DACH2: variants seen among roughly 807,000 people sequenced by gnomAD.
DACH2 encodes the protein dachshund homolog 2.
Under a neutral mutation model 35.8 loss-of-function variants are expected in DACH2, and 17 were observed. The observed-to-expected ratio is 0.48, with a 90% CI of 0.33 to 0.71. The LOEUF (loss-of-function observed/expected upper bound fraction) is 0.71, where lower values mean the gene tolerates loss of function less well. Ranked by LOEUF, DACH2 falls within the 30% of genes least tolerant of loss-of-function variation. The pLI is 0.02. For missense variants in DACH2, 469 were observed against 472.7 expected (o/e 0.99, Z 0.07); for synonymous variants, 195 against 177.3 (o/e 1.10, Z -0.79).
At chrX:86,567,523 C>T (rs192730736) in intron 3 of DACH2, among the ~76,000 whole-genome samples, 170 of 111,263 alleles carry the variant, frequency 1.5e-3, no homozygotes, top group South Asian at 2.6e-3. Flanking sequence ...GTAACATGTG[C>T]GTTCCTCCTT....
intron 4 of DACH2, 146 bp downstream of exon 4, chrX:86,651,313 C>T (rs1269315460): frequency 1.9e-6 from 1 of 516,755 alleles, no homozygotes; most frequent in African/African-American, 2.5e-5. Context: ...CTATTGCTAA[C>T]ATTTGTACAC....
chrX:86,450,676 A>G (rs1316273128), intron 2 of DACH2, among the ~76,000 whole-genome samples: 6 of 109,483 alleles, frequency 5.5e-5, no homozygotes, highest in Non-Finnish European at 9.5e-5. Flanking sequence ...GAAATAATTT[A>G]CGCTCCCACC....
chrX:86,334,772 A>T (rs1307451930), intron 1 of DACH2, among the ~76,000 whole-genome samples: 1 of 111,599 alleles, frequency 9.0e-6, no homozygotes, highest in Non-Finnish European at 1.9e-5. Flanking sequence ...GTTAGATCCC[A>T]TTTCTCAATT....
chrX:86,516,613 ATTTAG>A (rs2038471726), intron 3 of DACH2, among the ~76,000 whole-genome samples: 3 of 108,824 alleles, frequency 2.8e-5, no homozygotes, highest in Middle Eastern at 9.5e-3. Flanking sequence ...TTTTAATTTT[ATTTAG>A]TTTAATTAAT....
chrX:86,693,155 C>T (rs1037421882), intron 4 of DACH2, among the ~76,000 whole-genome samples: 25 of 112,166 alleles, frequency 2.2e-4, no homozygotes, highest in Non-Finnish European at 7.5e-5. Flanking sequence ...ATGAACATAG[C>T]AGACCTCAAC....
At chrX:86,185,590 C>T (rs2031657900) in intron 1 of DACH2, among the ~76,000 whole-genome samples, 1 of 111,459 alleles carries the variant, frequency 9.0e-6, no homozygotes, top group South Asian at 3.8e-4. Flanking sequence ...TAGTTAATAT[C>T]AGTTTGCTGG....
At chrX:86,320,662 T>A (rs2034999022) in intron 1 of DACH2, among the ~76,000 whole-genome samples, 1 of 112,422 alleles carries the variant, frequency 8.9e-6, no homozygotes, top group African/African-American at 3.2e-5. Context: ...ACTACAACTG[T>A]GGTTTGCAGG....
intron 11 of DACH2, among the ~76,000 whole-genome samples, chrX:86,825,085 C>T (rs1395493629): frequency 1.8e-5 from 2 of 111,979 alleles, no homozygotes; most frequent in Admixed American, 9.5e-5. Context: ...TTCCAATCTG[C>T]ATCCTGTACA....
intron 1 of DACH2, among the ~76,000 whole-genome samples, chrX:86,289,385 C>G (rs1056605384): frequency 9.5e-6 from 1 of 105,211 alleles, no homozygotes; most frequent in Non-Finnish European, 2.0e-5. Flanking sequence ...TTAGCTGCCT[C>G]GGTTGGTGTC....
intron 3 of DACH2, among the ~76,000 whole-genome samples, chrX:86,637,174 A>AGCAT (rs1184106594): frequency 3.4e-4 from 30 of 89,055 alleles, no homozygotes; most frequent in African/African-American, 1.0e-3. Context: ...CATACCACGT[A>AGCAT]GCATGAGTCA....
intron 1 of DACH2, among the ~76,000 whole-genome samples, chrX:86,250,499 C>T (rs2033377801): frequency 9.0e-6 from 1 of 111,208 alleles, no homozygotes; most frequent in African/African-American, 3.3e-5. Context: ...CACAAAAAAT[C>T]AACTGGAGTT....
intron 3 of DACH2, among the ~76,000 whole-genome samples, chrX:86,635,816 C>T (rs1255282887): frequency 9.0e-6 from 1 of 111,540 alleles, no homozygotes; most frequent in East Asian, 2.8e-4. Context: ...AGGAATACAG[C>T]TAACCAGGGA....
At chrX:86,586,534 T>A (rs1330016651) in intron 3 of DACH2, among the ~76,000 whole-genome samples, 2 of 111,322 alleles carry the variant, frequency 1.8e-5, no homozygotes, top group Non-Finnish European at 3.8e-5. Flanking sequence ...TTTCAGGGTT[T>A]TTACATTTAA....
At chrX:86,445,445 A>C (rs1310328495) in intron 2 of DACH2, among the ~76,000 whole-genome samples, 1 of 95,581 alleles carries the variant, frequency 1.0e-5, no homozygotes, top group Admixed American at 1.2e-4. Flanking sequence ...CCAGCATGGC[A>C]CATGTATACA....
At chrX:86,383,668 T>G (rs1440458706) in intron 2 of DACH2, among the ~76,000 whole-genome samples, 1 of 105,332 alleles carries the variant, frequency 9.5e-6, no homozygotes, top group Non-Finnish European at 2.0e-5. Context: ...CTTGAGCAAG[T>G]CATTTACATG....
Position 86,478,458 on chromosome X carries a change from A to C in DACH2, c.528-35821A>C, listed in dbSNP as rs1170542958. On this transcript the variant is annotated intron_variant, in intron 2 of 11. Transcript: ENST00000373125. ...TCCTGGCCTGTAAGATATCCACTCAAAAGTGGGCTGCCAGATGCATTGGAG... is the reference window on the plus strand; with the variant it reads ...TCCTGGCCTGTAAGATATCCACTCACAAGTGGGCTGCCAGATGCATTGGAG... Among the ~76,000 whole-genome samples, 7 of 110,648 alleles carry C rather than the reference A, an allele frequency of 6.3e-5. No individual in the cohort carries two copies. The Admixed American group carries it at 6.7e-4, about 11-fold the overall frequency.
intron 3 of DACH2, among the ~76,000 whole-genome samples, chrX:86,517,789 A>G (rs2038493314): frequency 9.0e-6 from 1 of 111,574 alleles, no homozygotes; most frequent in Admixed American, 9.5e-5. Context: ...TAGATGCTGG[A>G]TACTAGACCT....
chrX:86,419,082 T>C (rs1033817407), intron 2 of DACH2, among the ~76,000 whole-genome samples: 2 of 111,700 alleles, frequency 1.8e-5, no homozygotes, highest in Non-Finnish European at 3.8e-5. Context: ...GATTTCCTTG[T>C]TCATATCATT....
intron 1 of DACH2, among the ~76,000 whole-genome samples, chrX:86,243,336 C>G (rs937717006): frequency 5.4e-5 from 6 of 111,674 alleles, no homozygotes; most frequent in African/African-American, 2.0e-4. Flanking sequence ...AGTTACTTTT[C>G]TAAAGAAAGT....
Sources: allele counts gnomAD v4.1 joint callset (sites outside exome capture counted in the v4.1 genomes callset), GRCh38; gene constraint gnomAD v4.1.1; transcripts MANE v1.5; gene names NCBI Gene and HGNC (gene_info 2026-07-23, HGNC 2026-07-21).